TFDP2: variants seen among roughly 807,000 people sequenced by gnomAD.
TFDP2 encodes the protein transcription factor Dp-2 (E2F dimerization partner 2).
In TFDP2, 17 loss-of-function variants were observed where a neutral mutation model predicts 59.3. The observed-to-expected ratio is 0.29, with a 90% CI of 0.20 to 0.43. The LOEUF is 0.43. Ranked by LOEUF, TFDP2 falls within the 20% of genes least tolerant of loss-of-function variation. The pLI is 1.00. For missense variants in TFDP2, 391 were observed against 528.8 expected (o/e 0.74, Z 2.56); for synonymous variants, 180 against 194.7 (o/e 0.92, Z 0.63).
intron 3 of TFDP2, among the ~76,000 whole-genome samples, chr3:142,015,789 CAT>C (rs1361990370): frequency 1.3e-5 from 2 of 152,148 alleles, no homozygotes; most frequent in African/African-American, 4.8e-5. Flanking sequence ...TTTTAATTAA[CAT>C]ATTTTAAAAC....
At position 142,087,334 on chromosome 3, in the gene TFDP2, G is replaced by A. The variant is rs371343336; in HGVS notation, c.82+5727C>T. Reference sequence around the variant, plus strand: ...ACTGTACTGAATACTGTAGGCAACTGTAACACATGGTAAGTATTTGTGTAC... The same window carrying A: ...ACTGTACTGAATACTGTAGGCAACTATAACACATGGTAAGTATTTGTGTAC... On this transcript the variant is annotated intron_variant, in intron 3 of 12. Coordinates refer to ENST00000489671, the MANE Select transcript of TFDP2 (RefSeq NM_001178139.2). Among the ~76,000 whole-genome samples, 25 of 152,232 alleles carry A rather than the reference G, an allele frequency of 1.6e-4. No individual in the cohort carries two copies. In the East Asian group the frequency reaches 3.7e-3, roughly 22 times the overall value.
chr3:142,117,080 C>G, intron 1 of TFDP2, among the ~76,000 whole-genome samples: 1 of 152,092 alleles, frequency 6.6e-6, no homozygotes, highest in Non-Finnish European at 1.5e-5. Flanking sequence ...CACCACCACC[C>G]CTGGCTAATT....
chr3:142,135,762 C>T (rs1577063887), intron 1 of TFDP2, among the ~76,000 whole-genome samples: 1 of 152,046 alleles, frequency 6.6e-6, no homozygotes, highest in Admixed American at 6.5e-5. Flanking sequence ...GCATAGTATT[C>T]CATGGGGTAT....
At chr3:142,141,856 T>C (rs1036012063) in intron 1 of TFDP2, among the ~76,000 whole-genome samples, 2 of 151,246 alleles carry the variant, frequency 1.3e-5, no homozygotes, top group South Asian at 2.1e-4. Context: ...GCATGAAATA[T>C]GTTGCAAAAG....
At chr3:141,973,976 C>T in intron 8 of TFDP2, 72 bp downstream of exon 8, 5 of 1,484,378 alleles carry the variant, frequency 3.4e-6, no homozygotes, top group East Asian at 2.4e-5. Context: ...ATTAGAATTA[C>T]ATTTTTAAAT....
chr3:142,028,706 ACTT>A (rs1294946726), intron 3 of TFDP2: 9 of 985,294 alleles, frequency 9.1e-6, no homozygotes, highest in Non-Finnish European at 1.1e-5. Flanking sequence ...AATTTAAAAT[ACTT>A]CTCAGTAAAA....
At chr3:142,040,303 A>G (rs1200821525) in intron 3 of TFDP2, among the ~76,000 whole-genome samples, 1 of 152,178 alleles carries the variant, frequency 6.6e-6, no homozygotes, top group Non-Finnish European at 1.5e-5. Context: ...AAGATAACTA[A>G]TATTCTATGG....
intron 4 of TFDP2, among the ~76,000 whole-genome samples, chr3:142,003,294 C>T (rs754380406): frequency 1.3e-5 from 2 of 151,836 alleles, no homozygotes; most frequent in African/African-American, 2.4e-5. Flanking sequence ...CCACCACACC[C>T]GGCAATTTTT....
chr3:142,028,193 T>C (rs2108394804), intron 3 of TFDP2, among the ~76,000 whole-genome samples: 1 of 152,320 alleles, frequency 6.6e-6, no homozygotes, highest in South Asian at 2.1e-4. Context: ...GCAAAGCTTA[T>C]TTTATTAACT....
Position 141,968,294 on chromosome 3 carries a change from TAA to T in TFDP2, c.732+1777_732+1778del, listed in dbSNP as rs1480550478. 3.4e-3 allele frequency among the ~76,000 whole-genome samples: 410 copies of T among 121,106 alleles called. 7 individuals are homozygous for T. The highest frequency in any genetic ancestry group is 0.014 in the African/African-American group (393 of 27,410). 79.5% of individuals were successfully genotyped at this position (121,106 alleles called of 152,430 possible). A position where few individuals can be genotyped will look rare whatever the true frequency, so the allele number is the denominator to read the frequency against. ...TATATATAATATATAACAATATATA[TAA>T]TATATAATATATATAACTATATATA... On this transcript the variant is annotated intron_variant, in intron 9 of 12. Coordinates refer to ENST00000489671, the MANE Select transcript of TFDP2 (RefSeq NM_001178139.2).
Position 141,952,385 on chromosome 3 carries a change from TTC to T in TFDP2, c.*126_*127del. ...CCTTCATGTGATTTGCTTATTGTGT[TTC>T]TCTAGTTTTCACTGAACACACAGTG... On this transcript the variant is annotated 3_prime_UTR_variant, in exon 13 of 13. Coordinates refer to ENST00000489671, the MANE Select transcript of TFDP2 (RefSeq NM_001178139.2). 4 of 834,660 alleles carry T rather than the reference TTC, an allele frequency of 4.8e-6. No homozygotes were observed. The South Asian group carries it at 9.0e-5, about 19-fold the overall frequency. The allele number at this position is 834,660 out of a possible 1,614,324, so 51.7% of individuals were successfully genotyped here. A position where few individuals can be genotyped will look rare whatever the true frequency, so the allele number is the denominator to read the frequency against.
chr3:142,085,186 GT>G (rs1269619501), intron 3 of TFDP2, among the ~76,000 whole-genome samples: 2 of 152,174 alleles, frequency 1.3e-5, no homozygotes, highest in African/African-American at 4.8e-5. Flanking sequence ...AAGTGCTGGG[GT>G]TACAGGCATG....
intron 3 of TFDP2, among the ~76,000 whole-genome samples, chr3:142,018,529 C>T (rs1028776488): frequency 1.3e-5 from 2 of 151,952 alleles, no homozygotes; most frequent in African/African-American, 4.8e-5. Context: ...GTGGAACAAT[C>T]ACAGCTTACT....
chr3:142,091,321 A>G (rs536262639), intron 3 of TFDP2, among the ~76,000 whole-genome samples: 2 of 152,258 alleles, frequency 1.3e-5, no homozygotes, highest in Non-Finnish European at 2.9e-5. Flanking sequence ...ATTCCCACAG[A>G]CTATTACTAT....
intron 1 of TFDP2, among the ~76,000 whole-genome samples, chr3:142,144,907 C>G (rs1192069326): frequency 6.6e-6 from 1 of 152,090 alleles, no homozygotes; most frequent in East Asian, 1.9e-4. Flanking sequence ...ACATAAGGAC[C>G]AGAGACAGAA....
chr3:142,004,757 T>G (rs1041061237), intron 4 of TFDP2, among the ~76,000 whole-genome samples: 1 of 152,236 alleles, frequency 6.6e-6, no homozygotes, highest in East Asian at 1.9e-4. Flanking sequence ...AGATTCCATT[T>G]ATGTGAGAAT....
chr3:142,023,757 CA>C (rs1272435947), intron 3 of TFDP2, among the ~76,000 whole-genome samples: 1 of 152,126 alleles, frequency 6.6e-6, no homozygotes, highest in Non-Finnish European at 1.5e-5. Context: ...TAAAGTTAGA[CA>C]TCAATGTCAA....
chr3:142,132,419 C>T (rs1349300357), intron 1 of TFDP2, among the ~76,000 whole-genome samples: 3 of 149,600 alleles, frequency 2.0e-5, no homozygotes, highest in African/African-American at 7.6e-5. Context: ...ACTAAACAAC[C>T]ACATCTTTAT....
chr3:142,064,013 G>A (rs1202111008), intron 3 of TFDP2, among the ~76,000 whole-genome samples: 2 of 152,120 alleles, frequency 1.3e-5, no homozygotes, highest in East Asian at 3.9e-4. Flanking sequence ...GAGTGCAGTG[G>A]TGCAATCTTG....
Sources: allele counts gnomAD v4.1 joint callset (sites outside exome capture counted in the v4.1 genomes callset), GRCh38; gene constraint gnomAD v4.1.1; transcripts MANE v1.5; gene names NCBI Gene and HGNC (gene_info 2026-07-23, HGNC 2026-07-21).